LRRC4C: variants seen among roughly 807,000 people sequenced by gnomAD.
LRRC4C encodes leucine rich repeat containing 4C.
In LRRC4C, 5 loss-of-function variants were observed where a neutral mutation model predicts 33.6. The ratio of observed to expected loss-of-function variants is 0.15; its 90% confidence interval spans 0.08 to 0.31. The LOEUF is 0.31. LRRC4C is among the 10% of genes least tolerant of loss of function. LRRC4C has a pLI of 1.00. For missense variants in LRRC4C, 560 were observed against 796.7 expected, an observed-to-expected ratio of 0.70 and a Z score of 3.58; for synonymous variants, 329 against 302.0, an observed-to-expected ratio of 1.09 and a Z score of -0.93.
intron 3 of LRRC4C, among the ~76,000 whole-genome samples, chr11:40,646,540 G>A (rs1323300477): frequency 6.6e-6 from 1 of 152,106 alleles, no homozygotes; most frequent in South Asian, 2.1e-4. Context: ...TAAATAGAAA[G>A]ACCAAGTTTG....
At chr11:40,231,155 C>G (rs1865167516) in intron 5 of LRRC4C, among the ~76,000 whole-genome samples, 1 of 151,976 alleles carries the variant, frequency 6.6e-6, no homozygotes, top group Non-Finnish European at 1.5e-5. Context: ...TGTCTTGAGC[C>G]CAAAAGTTCA....
chr11:40,438,099 G>A (rs1306841060), intron 3 of LRRC4C, among the ~76,000 whole-genome samples: 2 of 152,258 alleles, frequency 1.3e-5, no homozygotes, highest in East Asian at 3.9e-4. Context: ...CTTACCTCTG[G>A]CAACTCTCCT....
chr11:41,156,753 A>G (rs1017581978), intron 1 of LRRC4C, among the ~76,000 whole-genome samples: 3 of 152,012 alleles, frequency 2.0e-5, no homozygotes, highest in African/African-American at 7.2e-5. Context: ...ATGATAACTG[A>G]GGTGAGCCTT....
At chr11:41,295,599 A>ATTTTTTTTTTTTT (rs55977602) in intron 1 of LRRC4C, among the ~76,000 whole-genome samples, 1 of 146,456 alleles carries the variant, frequency 6.8e-6, no homozygotes, top group Non-Finnish European at 1.5e-5. Flanking sequence ...GGCAACAAAC[A>ATTTTTTTTTTTTT]TTTTTTTTTT....
intron 1 of LRRC4C, among the ~76,000 whole-genome samples, chr11:41,015,938 C>A (rs1265631905): frequency 6.6e-6 from 1 of 152,018 alleles, no homozygotes; most frequent in African/African-American, 2.4e-5. Context: ...TGCAGTGAGC[C>A]GAGATCGCGC....
chr11:40,944,297 A>G (rs2136631278), intron 1 of LRRC4C, among the ~76,000 whole-genome samples: 1 of 152,270 alleles, frequency 6.6e-6, no homozygotes, highest in East Asian at 1.9e-4. Context: ...AGGATACGAT[A>G]TTTTATCCTT....
intron 1 of LRRC4C, among the ~76,000 whole-genome samples, chr11:41,416,624 G>C (rs533822693): frequency 6.6e-6 from 1 of 152,100 alleles, no homozygotes; most frequent in South Asian, 2.1e-4. Context: ...GACAGTGCGT[G>C]CAAGGGAAGG....
At chr11:41,387,988 C>A (rs1335580015) in intron 1 of LRRC4C, among the ~76,000 whole-genome samples, 1 of 151,714 alleles carries the variant, frequency 6.6e-6, no homozygotes, top group Non-Finnish European at 1.5e-5. Context: ...CATAACCCAA[C>A]AGAGAAATAC....
intron 3 of LRRC4C, among the ~76,000 whole-genome samples, chr11:40,401,005 A>G (rs192571701): frequency 1.3e-5 from 2 of 152,262 alleles, no homozygotes; most frequent in East Asian, 3.9e-4. Flanking sequence ...ATGTCTGCAC[A>G]GAGTAAATGC....
At chr11:40,989,410 A>C (rs1853337306) in intron 1 of LRRC4C, among the ~76,000 whole-genome samples, 1 of 152,114 alleles carries the variant, frequency 6.6e-6, no homozygotes, top group Non-Finnish European at 1.5e-5. Flanking sequence ...GCTGTTCACC[A>C]TGGTTAAGGA....
intron 1 of LRRC4C, among the ~76,000 whole-genome samples, chr11:41,162,435 T>G (rs2136036219): frequency 6.6e-6 from 1 of 152,322 alleles, no homozygotes; most frequent in East Asian, 1.9e-4. Flanking sequence ...ACGCATCATT[T>G]AATGACACTG....
At chr11:41,110,619 T>C (rs1941773848) in intron 1 of LRRC4C, among the ~76,000 whole-genome samples, 1 of 152,118 alleles carries the variant, frequency 6.6e-6, no homozygotes, top group Admixed American at 6.6e-5. Flanking sequence ...ATGAATAATA[T>C]TGTGCTGAAA....
At chr11:40,251,400 G>A (rs950041376) in intron 4 of LRRC4C, among the ~76,000 whole-genome samples, 3 of 151,952 alleles carry the variant, frequency 2.0e-5, no homozygotes, top group Non-Finnish European at 4.4e-5. Context: ...GAGCACCTTC[G>A]AGTACACAGA....
chr11:40,650,157 AC>A (rs1942704575), intron 2 of LRRC4C, among the ~76,000 whole-genome samples: 1 of 152,170 alleles, frequency 6.6e-6, no homozygotes, highest in Non-Finnish European at 1.5e-5. Flanking sequence ...TTATGATGAA[AC>A]ACCTTAACGA....
chr11:41,020,632 C>A (rs1381305724), intron 1 of LRRC4C, among the ~76,000 whole-genome samples: 2 of 152,108 alleles, frequency 1.3e-5, no homozygotes. Flanking sequence ...CATGGACCCG[C>A]CAACACCGTA....
intron 2 of LRRC4C, among the ~76,000 whole-genome samples, chr11:40,845,759 G>A (rs920593438): frequency 6.6e-6 from 1 of 152,144 alleles, no homozygotes; most frequent in Admixed American, 6.5e-5. Flanking sequence ...TTGCCATACT[G>A]TCTCCCACAA....
At chr11:40,410,557 G>A (rs1027761767) in intron 3 of LRRC4C, among the ~76,000 whole-genome samples, 3 of 151,976 alleles carry the variant, frequency 2.0e-5, no homozygotes, top group African/African-American at 7.2e-5. Flanking sequence ...TTGAGTTCAT[G>A]TTTTCCGTTC....
intron 1 of LRRC4C, among the ~76,000 whole-genome samples, chr11:41,032,473 T>G (rs577820463): frequency 1.8e-4 from 28 of 152,036 alleles, no homozygotes; most frequent in Non-Finnish European, 3.4e-4. Flanking sequence ...TTTTTTTAGA[T>G]CTATTGTTTT....
intron 2 of LRRC4C, among the ~76,000 whole-genome samples, chr11:40,818,815 G>A (rs1248766399): frequency 1.3e-5 from 2 of 151,962 alleles, no homozygotes; most frequent in African/African-American, 2.4e-5. Context: ...AGTTTAATTT[G>A]TATTTTGTTA....
Sources: gnomAD v4.1 joint callset for allele counts (sites outside exome capture counted in the v4.1 genomes callset) on GRCh38, gnomAD v4.1.1 for gene constraint, MANE v1.5 for transcripts, NCBI Gene and HGNC (gene_info 2026-07-23, HGNC 2026-07-21) for gene names.